The following GNB5 variants were observed in gnomAD, a reference collection of about 807,000 sequenced individuals.
The protein encoded by GNB5 is guanine nucleotide-binding protein subunit beta-5.
GNB5 carries 37 observed loss-of-function variants against 55.3 expected under a neutral mutation model. The observed-to-expected ratio is 0.67, with a 90% CI of 0.51 to 0.88. The LOEUF (loss-of-function observed/expected upper bound fraction) is 0.88. Ranked by LOEUF, GNB5 falls within the 40% of genes least tolerant of loss-of-function variation. The probability of loss-of-function intolerance (pLI) is 0.00; values close to 1 mark genes in which losing one functional copy is unlikely to be tolerated. For synonymous variants in GNB5, 219 were observed against 198.5 expected, an observed-to-expected ratio of 1.10 and a Z score of -0.87; for missense variants, 476 against 515.3, an observed-to-expected ratio of 0.92 and a Z score of 0.74.
Position 52,121,467 on chromosome 15 carries a change from T to C in GNB5, c.*1290A>G. 6.6e-6 allele frequency: 1 copy of C among 152,212 alleles called. No individual in the cohort carries two copies. Among genetic ancestry groups the C allele is most frequent in the East Asian group, 1.9e-4 (1 of 5,204 alleles). 9.4% of individuals were successfully genotyped at this position (152,212 alleles called of 1,614,324 possible). ...TATAACAAAAAGCACTTCCTTCTTC[T>C]AGAAGGAATTCTGAGTCTCAAATAA... On this transcript the variant is annotated 3_prime_UTR_variant, in exon 13 of 13. Coordinates refer to ENST00000261837, the MANE Select transcript of GNB5 (RefSeq NM_016194.4).
At chr15:52,127,681 TC>T (rs2033463168) in intron 10 of GNB5, among the ~76,000 whole-genome samples, 1 of 152,120 alleles carries the variant, frequency 6.6e-6, no homozygotes, top group Non-Finnish European at 1.5e-5. Flanking sequence ...AATATTTTTT[TC>T]TCTTGAAAAT....
chr15:52,124,135 G>C (rs78506170), intron 12 of GNB5, among the ~76,000 whole-genome samples: 3,599 of 152,058 alleles, frequency 0.024, 164 homozygotes, highest in African/African-American at 0.083. Flanking sequence ...TAGGAGGAGA[G>C]ACTGGTTATC....
Position 52,124,495 on chromosome 15 carries a change from C to G in GNB5, c.1154G>C (p.Gly385Ala). ...VSPDGTAFCSGSWDHTLRVWA is the reference protein window; with the variant it reads ...VSPDGTAFCSASWDHTLRVWA The stretch of plus-strand genomic sequence containing the variant: ...TACTCTGAGGGTATGATCCCATGAT[C>G]CAGAGCAGAAAGCAGTCCCATCGGG... The change falls in exon 12 of 13, where the codon GGA (glycine) becomes GCA (alanine). Residue 385 changes from glycine (G) to alanine (A), a missense_variant. Gly to Ala is a moderately conservative substitution (Grantham distance 60). Transcript: ENST00000261837. 2 of 1,613,926 alleles carry G rather than the reference C, an allele frequency of 1.2e-6. No homozygotes were observed. The highest frequency in any genetic ancestry group is 2.2e-5 in the East Asian group (1 of 44,886).
chr15:52,117,089 AAT>A lies in GNB5; in HGVS notation c.*5666_*5667del, dbSNP rs772910761. 4 of 85,464 alleles carry A rather than the reference AAT, an allele frequency of 4.7e-5. No homozygotes were observed. The highest frequency in any genetic ancestry group is 4.0e-5 in the Non-Finnish European group (2 of 49,688). The allele number at this position is 85,464 out of a possible 1,614,324, so 5.3% of individuals were successfully genotyped here. A position where few individuals can be genotyped will look rare whatever the true frequency, so the allele number is the denominator to read the frequency against. The stretch of plus-strand genomic sequence containing the variant: ...CAGGCACCTGCCACCACGCCCAGCT[AAT>A]ATATATATATATTTTTTTTTAGTAC... On this transcript the variant is annotated 3_prime_UTR_variant, in exon 13 of 13. Coordinates refer to ENST00000261837, the MANE Select transcript of GNB5 (RefSeq NM_016194.4).
intron 2 of GNB5, among the ~76,000 whole-genome samples, chr15:52,182,600 G>A (rs1377571720): frequency 6.6e-6 from 1 of 152,140 alleles, no homozygotes; most frequent in African/African-American, 2.4e-5. Flanking sequence ...CAGAAAAGTT[G>A]AGGTCAGCTA....
intron 3 of GNB5, among the ~76,000 whole-genome samples, chr15:52,177,145 C>T (rs1345386997): frequency 6.7e-6 from 1 of 148,638 alleles, no homozygotes; most frequent in Non-Finnish European, 1.5e-5. Flanking sequence ...AGCTATTCTC[C>T]TGCCTCAGCC....
intron 2 of GNB5, among the ~76,000 whole-genome samples, chr15:52,184,294 A>G (rs563313805): frequency 3.3e-5 from 5 of 152,310 alleles, no homozygotes; most frequent in Non-Finnish European, 7.3e-5. Flanking sequence ...CTATTTGCAG[A>G]TGGGAAAAAC....
intron 3 of GNB5, among the ~76,000 whole-genome samples, chr15:52,163,795 G>A (rs2034392462): frequency 6.6e-6 from 1 of 152,202 alleles, no homozygotes; most frequent in Non-Finnish European, 1.5e-5. Flanking sequence ...CTCCCAACAG[G>A]GGTCTACAAA....
At chr15:52,134,573 A>G (rs1470540489) in intron 8 of GNB5, among the ~76,000 whole-genome samples, 1 of 152,198 alleles carries the variant, frequency 6.6e-6, no homozygotes, top group Non-Finnish European at 1.5e-5. Flanking sequence ...TTGAGGAGAG[A>G]TAAATACAGT....
chr15:52,188,716 T>C (rs1370764910), intron 1 of GNB5, among the ~76,000 whole-genome samples: 1 of 152,226 alleles, frequency 6.6e-6, no homozygotes, highest in Non-Finnish European at 1.5e-5. Context: ...CTAATAACTT[T>C]ATGCCAAGCA....
At chr15:52,161,869 C>T (rs1342658310) in intron 3 of GNB5, among the ~76,000 whole-genome samples, 1 of 152,224 alleles carries the variant, frequency 6.6e-6, no homozygotes, top group Non-Finnish European at 1.5e-5. Context: ...CGGTAGTCTT[C>T]AAGCTCCCAT....
intron 3 of GNB5, among the ~76,000 whole-genome samples, chr15:52,177,308 C>T (rs1003208641): frequency 6.6e-6 from 1 of 151,580 alleles, no homozygotes; most frequent in Non-Finnish European, 1.5e-5. Context: ...GCTGGGATTA[C>T]AGGCGTGAGC....
chr15:52,177,443 AG>A (rs2034674521), intron 3 of GNB5, among the ~76,000 whole-genome samples: 1 of 151,756 alleles, frequency 6.6e-6, no homozygotes, highest in Non-Finnish European at 1.5e-5. Flanking sequence ...AGATCACTTG[AG>A]GTCAGGAGTT....
Position 52,149,920 on chromosome 15 carries a change from C to A in GNB5, c.381G>T (p.Gly127=). ...TGAAGGAATCCCACACGATCACCTTCCCATCCTGGAGGGAGAAGAGCAAAC... is the reference window on the plus strand; with the variant it reads ...TGAAGGAATCCCACACGATCACCTTACCATCCTGGAGGGAGAAGAGCAAAC... ...KRRIVSSSQD[G]KVIVWDSFTT... Residue 127 remains glycine (G), a synonymous_variant, in exon 5 of 13, where the codon GGG becomes GGT. Coordinates refer to ENST00000261837, the MANE Select transcript of GNB5 (RefSeq NM_016194.4). 1 of 1,611,042 alleles carries A rather than the reference C, an allele frequency of 6.2e-7. No homozygotes were observed. The highest frequency in any genetic ancestry group is 8.5e-7 in the Non-Finnish European group (1 of 1,177,238).
chr15:52,127,520 A>G (rs1220686229), intron 10 of GNB5, among the ~76,000 whole-genome samples: 1 of 152,016 alleles, frequency 6.6e-6, no homozygotes, highest in Non-Finnish European at 1.5e-5. Flanking sequence ...ATATTTCCAT[A>G]TATATTTTGT....
At position 52,133,591 on chromosome 15, in the gene GNB5, T is replaced by TA. The variant is rs1257068912; in HGVS notation, c.772-123_772-122insT. ...ATTAGCAAATGGTTGACAACACACT[T>TA]TTCTGAGACTAGCTTTACCTGAGGG... On this transcript the variant is annotated intron_variant, in intron 8 of 12. Transcript: ENST00000261837. 3 of 667,682 alleles carry TA rather than the reference T, an allele frequency of 4.5e-6. No homozygotes were observed. The East Asian group carries it at 8.1e-5, about 18-fold the overall frequency. The allele number at this position is 667,682 out of a possible 1,614,324, so 41.4% of individuals were successfully genotyped here.
chr15:52,162,994 A>G (rs1485834819), intron 3 of GNB5: 2 of 152,224 alleles, frequency 1.3e-5, no homozygotes, highest in Non-Finnish European at 2.9e-5. Flanking sequence ...AGATTCTTGC[A>G]CTGGGACTGA....
chr15:52,176,027 C>T (rs2034643279), intron 3 of GNB5, among the ~76,000 whole-genome samples: 1 of 151,856 alleles, frequency 6.6e-6, no homozygotes, highest in South Asian at 2.1e-4. Flanking sequence ...CCAGCCTGGG[C>T]AACAGAGCCA....
rs185463079 is a variant in GNB5 at position 52,162,337 on chromosome 15, T to C, written c.239-8261A>G. 7.2e-4 allele frequency among the ~76,000 whole-genome samples: 110 copies of C among 152,312 alleles called. 1 individual carries two copies. Among genetic ancestry groups the C allele is most frequent in the Non-Finnish European group, 1.4e-3 (94 of 68,020 alleles). ...TGTTATTTATTTTATAATCTGTGCA[T>C]ACATGAACTGAAAGCAAAAGATATG... On this transcript the variant is annotated intron_variant, in intron 3 of 12. Coordinates refer to ENST00000261837, the MANE Select transcript of GNB5 (RefSeq NM_016194.4).
Sources: gnomAD v4.1 joint callset for allele counts (sites outside exome capture counted in the v4.1 genomes callset) on GRCh38, gnomAD v4.1.1 for gene constraint, MANE v1.5 for transcripts, NCBI Gene and HGNC (gene_info 2026-07-23, HGNC 2026-07-21) for gene names.